The following KCNB2 variants were observed in gnomAD, a reference collection of about 807,000 sequenced individuals.
KCNB2 encodes potassium voltage-gated channel subfamily B member 2, also known as delayed rectifier potassium channel protein.
Under a neutral mutation model 61.5 loss-of-function variants are expected in KCNB2, and 15 were observed. The ratio of observed to expected loss-of-function variants is 0.24; its 90% CI spans 0.16 to 0.38. The LOEUF is 0.38. Among genes scored for constraint, KCNB2 ranks in the 10% least tolerant of loss-of-function variants. The probability of loss-of-function intolerance (pLI) is 1.00; values close to 1 mark genes in which losing one functional copy is unlikely to be tolerated. For synonymous variants in KCNB2, 457 were observed against 446.0 expected (o/e 1.02, Z -0.31); for missense variants, 828 against 1,125.2 (o/e 0.74, Z 3.78).
intron 2 of KCNB2, among the ~76,000 whole-genome samples, chr8:72,726,724 A>G (rs186594751): frequency 1.3e-3 from 194 of 152,236 alleles, no homozygotes; most frequent in African/African-American, 4.3e-3. Flanking sequence ...CTGCATTTTA[A>G]ATATTTTTTA....
intron 2 of KCNB2, among the ~76,000 whole-genome samples, chr8:72,700,967 A>G (rs150986600): frequency 1.5e-4 from 23 of 152,294 alleles, no homozygotes; most frequent in Non-Finnish European, 2.5e-4. Flanking sequence ...ACTCTAAGCA[A>G]ATTAACCCAG....
chr8:72,765,431 T>A (rs1202914524), intron 2 of KCNB2, among the ~76,000 whole-genome samples: 1 of 152,228 alleles, frequency 6.6e-6, no homozygotes, highest in East Asian at 1.9e-4. Context: ...TGTGCTCAGA[T>A]GTAGTTAAAA....
At position 72,657,275 on chromosome 8, in the gene KCNB2, G is replaced by A. The variant is rs527242786; in HGVS notation, c.579+88962G>A. On this transcript the variant is annotated intron_variant, in intron 2 of 2. Transcript: ENST00000523207. ...ATAAAGTACTTTGAGAGTTTGTAGG[G>A]AGAAATTACAGGAAAAGATCTGAAG... Among the ~76,000 whole-genome samples the A allele has an allele frequency of 1.9e-3, 285 of 152,202 alleles. 2 individuals carry two copies. The highest frequency in any genetic ancestry group is 6.8e-3 in the Middle Eastern group (2 of 294).
chr8:72,871,652 A>G (rs1196181018), intron 2 of KCNB2, among the ~76,000 whole-genome samples: 2 of 152,172 alleles, frequency 1.3e-5, no homozygotes, highest in South Asian at 2.1e-4. Flanking sequence ...TTACAATAAT[A>G]TCTCTTCATA....
chr8:72,595,332 T>A (rs1807171636), intron 2 of KCNB2, among the ~76,000 whole-genome samples: 1 of 151,166 alleles, frequency 6.6e-6, no homozygotes, highest in Admixed American at 6.6e-5. Context: ...TTCTTTCTTT[T>A]TTTTTTTTTT....
intron 2 of KCNB2, among the ~76,000 whole-genome samples, chr8:72,596,822 GTTTT>G (rs1159305969): frequency 6.6e-6 from 1 of 151,912 alleles, no homozygotes; most frequent in East Asian, 1.9e-4. Flanking sequence ...ACTTTTTGGG[GTTTT>G]CCAAATATCA....
At chr8:72,654,180 A>G (rs1394620044) in intron 2 of KCNB2, among the ~76,000 whole-genome samples, 1 of 152,194 alleles carries the variant, frequency 6.6e-6, no homozygotes, top group Non-Finnish European at 1.5e-5. Context: ...CTCTGACTTC[A>G]GGTTTCAGGG....
chr8:72,577,663 G>A lies in KCNB2; in HGVS notation c.579+9350G>A, dbSNP rs1047918638. 2.6e-5 allele frequency among the ~76,000 whole-genome samples: 4 copies of A among 152,116 alleles called. No individual in the cohort carries two copies. In the East Asian group the frequency reaches 7.7e-4, roughly 29 times the overall value. On this transcript the variant is annotated intron_variant, in intron 2 of 2. Coordinates refer to ENST00000523207, the MANE Select transcript of KCNB2 (RefSeq NM_004770.3). Reference sequence around the variant, plus strand: ...CACGCTTTAACTTCTCTCTCATTGGGTCACTCGTGATGCAACCCCAAGTGT... The same window carrying A: ...CACGCTTTAACTTCTCTCTCATTGGATCACTCGTGATGCAACCCCAAGTGT...
intron 2 of KCNB2, among the ~76,000 whole-genome samples, chr8:72,595,474 T>C (rs1038175417): frequency 6.6e-6 from 1 of 151,872 alleles, no homozygotes; most frequent in Non-Finnish European, 1.5e-5. Context: ...TACAGGCATG[T>C]GCCACCACGC....
Position 72,542,320 on chromosome 8 carries a change from A to G in KCNB2, c.-94+4435A>G, listed in dbSNP as rs557671677. Reference sequence around the variant, plus strand: ...ACAATTATTAGGTCTTACAGGTTCAATCACATTGTATAGCCAACCTTGAAC... The same window carrying G: ...ACAATTATTAGGTCTTACAGGTTCAGTCACATTGTATAGCCAACCTTGAAC... On this transcript the variant is annotated intron_variant, in intron 1 of 2. Coordinates refer to ENST00000523207, the MANE Select transcript of KCNB2 (RefSeq NM_004770.3). 4.6e-5 allele frequency among the ~76,000 whole-genome samples: 7 copies of G among 152,272 alleles called. No individual in the cohort carries two copies. The South Asian group carries it at 1.0e-3, about 23-fold the overall frequency.
At chr8:72,904,367 G>A (rs761267368) in intron 2 of KCNB2, among the ~76,000 whole-genome samples, 5 of 151,970 alleles carry the variant, frequency 3.3e-5, no homozygotes, top group Non-Finnish European at 5.9e-5. Flanking sequence ...TTTAACACAG[G>A]GGGTAGAAGG....
At chr8:72,858,631 C>T (rs771882064) in intron 2 of KCNB2, among the ~76,000 whole-genome samples, 1 of 152,212 alleles carries the variant, frequency 6.6e-6, no homozygotes, top group African/African-American at 2.4e-5. Flanking sequence ...GTAGTCATGA[C>T]CCTCTCATAC....
At chr8:72,574,526 T>G (rs1258762152) in intron 2 of KCNB2, among the ~76,000 whole-genome samples, 1 of 152,218 alleles carries the variant, frequency 6.6e-6, no homozygotes, top group Non-Finnish European at 1.5e-5. Flanking sequence ...CCAAGAATCA[T>G]GCACTTTTTG....
At chr8:72,925,141 G>T (rs1806614022) in intron 2 of KCNB2, among the ~76,000 whole-genome samples, 1 of 152,202 alleles carries the variant, frequency 6.6e-6, no homozygotes. Context: ...CTTTCAAGCT[G>T]CTGGGACATG....
chr8:72,584,737 G>A (rs1398214855), intron 2 of KCNB2, among the ~76,000 whole-genome samples: 1 of 151,864 alleles, frequency 6.6e-6, no homozygotes, highest in Non-Finnish European at 1.5e-5. Flanking sequence ...AAAAAGGCAT[G>A]GTCTTATACA....
intron 2 of KCNB2, among the ~76,000 whole-genome samples, chr8:72,853,917 A>G (rs1469488264): frequency 2.0e-5 from 3 of 152,220 alleles, no homozygotes; most frequent in African/African-American, 4.8e-5. Flanking sequence ...ACAAGTAGAT[A>G]GATATTTCCG....
At chr8:72,830,761 T>A (rs1356855128) in intron 2 of KCNB2, among the ~76,000 whole-genome samples, 1 of 152,210 alleles carries the variant, frequency 6.6e-6, no homozygotes, top group Non-Finnish European at 1.5e-5. Flanking sequence ...TCTCTTGGTT[T>A]TGAATGCCAT....
chr8:72,666,746 G>A (rs907760695), intron 2 of KCNB2, among the ~76,000 whole-genome samples: 13 of 150,942 alleles, frequency 8.6e-5, no homozygotes, highest in African/African-American at 1.7e-4. Flanking sequence ...TCTGCCTCCC[G>A]GGTTCAGGCT....
intron 2 of KCNB2, among the ~76,000 whole-genome samples, chr8:72,595,079 T>A (rs1315822563): frequency 1.3e-5 from 2 of 152,102 alleles, no homozygotes; most frequent in Admixed American, 6.6e-5. Context: ...CCTTGCAGTG[T>A]GATCCTGTCA....
Sources: allele counts gnomAD v4.1 joint callset (sites outside exome capture counted in the v4.1 genomes callset), GRCh38; gene constraint gnomAD v4.1.1; transcripts MANE v1.5; gene names NCBI Gene and HGNC (gene_info 2026-07-23, HGNC 2026-07-21).